Variants in GUCY2F observed in about 807,000 individuals in gnomAD.
GUCY2F encodes retinal guanylyl cyclase 2.
A neutral mutation model predicts 73.1 loss-of-function variants in GUCY2F; 61 were observed. The observed-to-expected ratio is 0.83, with a 90% CI of 0.68 to 1.03. GUCY2F has a LOEUF of 1.03. Ranked by LOEUF, GUCY2F falls within the 50% of genes least tolerant of loss-of-function variation. GUCY2F has a pLI of 0.00. For missense variants in GUCY2F, 912 were observed against 854.3 expected (o/e 1.07, Z -0.84); for synonymous variants, 331 against 307.8 (o/e 1.08, Z -0.79).
intron 10 of GUCY2F, among the ~76,000 whole-genome samples, chrX:109,402,370 C>T (rs1477348676): frequency 5.8e-5 from 6 of 103,065 alleles, no homozygotes; most frequent in East Asian, 2.9e-4. Context: ...AGAAGCTAGG[C>T]GTTTTGTTTT....
intron 10 of GUCY2F, among the ~76,000 whole-genome samples, chrX:109,401,767 G>T (rs1930845555): frequency 9.0e-6 from 1 of 110,990 alleles, no homozygotes; most frequent in Admixed American, 9.6e-5. Flanking sequence ...AGCCTCTTGA[G>T]GCAGTGGTAC....
At chrX:109,476,080 T>C in intron 1 of GUCY2F, 59 bp from the exon 2 acceptor site, 1 of 471,204 alleles carries the variant, frequency 2.1e-6, no homozygotes, top group Non-Finnish European at 3.2e-6. Context: ...CTGGAAATCA[T>C]CGGTTGTGAA....
intron 15 of GUCY2F, 84 bp from the exon 16 acceptor site, chrX:109,385,366 G>T: frequency 2.1e-6 from 1 of 474,887 alleles, no homozygotes; most frequent in Admixed American, 3.7e-5. Flanking sequence ...AGGAAGGAAT[G>T]TATCTTTGTA....
At chrX:109,465,615 T>C (rs775013359) in intron 2 of GUCY2F, among the ~76,000 whole-genome samples, 172 bp from the exon 3 acceptor site, 48 of 111,978 alleles carry the variant, frequency 4.3e-4, no homozygotes, top group African/African-American at 1.5e-3. Context: ...GCTCATGGAC[T>C]CTGGATTGGG....
intron 8 of GUCY2F, among the ~76,000 whole-genome samples, chrX:109,416,689 A>T (rs866734995): frequency 3.6e-5 from 4 of 111,233 alleles, no homozygotes; most frequent in Non-Finnish European, 5.7e-5. Flanking sequence ...AACAGAATAA[A>T]CACAAAGAAA....
rs1424525673 is a variant in GUCY2F, at chrX:109,382,161, C to T, written c.3107G>A (p.Ser1036Asn). The T allele has an allele frequency of 8.4e-7, 1 of 1,187,060 alleles. No individual in the cohort carries two copies. The highest frequency in any genetic ancestry group is 2.2e-5 in the Admixed American group (1 of 45,996). ...TCGAAGCTCCACTTCATAGCCCTCA[C>T]TCAGATTTTGAAGAATTGTAACAGT... ...LSTVTILQNL[S>N]EGYEVELRGR... The change falls in exon 17 of 20, where the codon AGT becomes AAT. Residue 1036 changes from serine (S) to asparagine (N), a missense_variant. Transcript: ENST00000218006.
chrX:109,392,995 C>G lies in GUCY2F; in HGVS notation c.2485G>C (p.Glu829Gln), dbSNP rs759708563. ...TCTTCCAAGTTGCTAGAATATTGCT[C>G]CAACATCCGAAGCATAGAATCAATA... ...NIIDSMLRML[E>Q]QYSSNLEDLI... Residue 829 changes from glutamate to glutamine, a missense_variant, in exon 13 of 20, where the codon GAG becomes CAG. By Grantham distance (29) the Glu-to-Gln change is conservative. Coordinates refer to ENST00000218006, the MANE Select transcript of GUCY2F (RefSeq NM_001522.3). 5.4e-6 allele frequency: 6 copies of G among 1,121,036 alleles called. No individual in the cohort carries two copies. 92.4% of individuals were successfully genotyped at this position (1,121,036 alleles called of 1,213,427 possible). A position where few individuals can be genotyped will look rare whatever the true frequency, so the allele number is the denominator to read the frequency against.
At chrX:109,443,387 C>T (rs187864887) in intron 6 of GUCY2F, among the ~76,000 whole-genome samples, 325 of 111,240 alleles carry the variant, frequency 2.9e-3, no homozygotes, top group Non-Finnish European at 4.6e-3. Context: ...CCCTTAGTAA[C>T]GGTAATAGCC....
intron 2 of GUCY2F, among the ~76,000 whole-genome samples, chrX:109,474,443 A>C (rs750380225): frequency 1.2e-4 from 13 of 111,724 alleles, no homozygotes; most frequent in Admixed American, 1.0e-3. Flanking sequence ...AGAGGACCAG[A>C]AAGGGCCCCC....
intron 8 of GUCY2F, among the ~76,000 whole-genome samples, chrX:109,412,963 G>C (rs1051850712): frequency 1.8e-5 from 2 of 112,388 alleles, no homozygotes; most frequent in Non-Finnish European, 3.8e-5. Flanking sequence ...TTGGAAGAGA[G>C]TCACCTGCCA....
chrX:109,404,573 G>A (rs945846604), intron 9 of GUCY2F, 89 bp from the exon 10 acceptor site: 1 of 629,437 alleles, frequency 1.6e-6, no homozygotes, highest in African/African-American at 2.2e-5. Flanking sequence ...AATGGCATGA[G>A]CTATTATGAT....
chrX:109,420,682 A>G (rs1931352546), intron 8 of GUCY2F, among the ~76,000 whole-genome samples: 1 of 112,171 alleles, frequency 8.9e-6, no homozygotes, highest in Admixed American at 9.4e-5. Context: ...TTCACACAAG[A>G]AGATATACAA....
chrX:109,399,322 G>A (rs948895842), intron 10 of GUCY2F, among the ~76,000 whole-genome samples: 4 of 112,316 alleles, frequency 3.6e-5, no homozygotes, highest in Admixed American at 9.4e-5. Context: ...CAGACCAGTC[G>A]GAAACACAGA....
At chrX:109,436,643 G>T (rs1307107175) in intron 7 of GUCY2F, among the ~76,000 whole-genome samples, 2 of 111,396 alleles carry the variant, frequency 1.8e-5, no homozygotes, top group African/African-American at 6.5e-5. Flanking sequence ...TAGGGACATG[G>T]ATGAAATTGG....
chrX:109,451,501 C>A (rs370448634), intron 5 of GUCY2F, among the ~76,000 whole-genome samples: 15 of 111,669 alleles, frequency 1.3e-4, no homozygotes, highest in African/African-American at 4.6e-4. Flanking sequence ...TTATTGAGCA[C>A]CTACTATGAG....
chrX:109,378,390 G>T (rs758418110), intron 17 of GUCY2F, among the ~76,000 whole-genome samples: 4 of 111,312 alleles, frequency 3.6e-5, no homozygotes, highest in Non-Finnish European at 5.7e-5. Flanking sequence ...AGCAACTATT[G>T]GGAAATTTGA....
rs182371473 is a variant in GUCY2F, at chrX:109,416,818, C to T, written c.1792-7650G>A. Among the ~76,000 whole-genome samples the T allele has an allele frequency of 2.8e-5, 3 of 108,718 alleles. No homozygotes were observed. In the East Asian group the frequency reaches 8.6e-4, roughly 31 times the overall value. 94.4% of individuals were successfully genotyped at this position (108,718 alleles called of 115,157 possible). On this transcript the variant is annotated intron_variant, in intron 8 of 19. Coordinates refer to ENST00000218006, the MANE Select transcript of GUCY2F (RefSeq NM_001522.3). ...AAGAAAGCAATACCTAGACATTTAA[C>T]AGTCAAAACCCTGAAATATGAAAAT...
Position 109,375,379 on chromosome X carries a change from G to T in GUCY2F, c.*1+519C>A, listed in dbSNP as rs768848277. On this transcript the variant is annotated intron_variant, in intron 19 of 19. Coordinates refer to ENST00000218006, the MANE Select transcript of GUCY2F (RefSeq NM_001522.3). ...CCTGAATACAAGCCAGGCAGTCAAA[G>T]AGTAGCCAGTCTTATTTTGGTTGGC... Among the ~76,000 whole-genome samples the T allele has an allele frequency of 2.7e-5, 3 of 111,460 alleles. No homozygotes were observed. In the East Asian group the frequency reaches 8.5e-4, roughly 32 times the overall value.
intron 19 of GUCY2F, among the ~76,000 whole-genome samples, chrX:109,374,564 A>G (rs1930132705): frequency 9.0e-6 from 1 of 111,594 alleles, no homozygotes; most frequent in African/African-American, 3.3e-5. Context: ...AGTGCCTCCA[A>G]TGCCACACTA....
Sources: gnomAD v4.1 joint callset for allele counts (sites outside exome capture counted in the v4.1 genomes callset) on GRCh38, gnomAD v4.1.1 for gene constraint, MANE v1.5 for transcripts, NCBI Gene and HGNC (gene_info 2026-07-23, HGNC 2026-07-21) for gene names.